IQCJ: variants seen among roughly 807,000 people sequenced by gnomAD.
IQCJ encodes the protein IQ motif containing J.
Under a neutral mutation model 11.0 loss-of-function variants are expected in IQCJ, and 9 were observed. That is an observed-to-expected ratio of 0.82 (90% confidence interval 0.49 to 1.43). The LOEUF (loss-of-function observed/expected upper bound fraction) is 1.43, where lower values mean the gene tolerates loss of function less well. Ranked by LOEUF, IQCJ falls within the 40% of genes most tolerant of loss-of-function variation. The probability of loss-of-function intolerance (pLI) is 0.00; values close to 1 mark genes in which losing one functional copy is unlikely to be tolerated. For missense variants in IQCJ, 146 were observed against 133.2 expected, an observed-to-expected ratio of 1.10 and a Z score of -0.47; for synonymous variants, 55 against 51.3, an observed-to-expected ratio of 1.07 and a Z score of -0.31.
intron 1 of IQCJ, among the ~76,000 whole-genome samples, chr3:159,194,581 T>A (rs559035905): frequency 6.6e-6 from 1 of 152,368 alleles, no homozygotes; most frequent in African/African-American, 2.4e-5. Flanking sequence ...TCTTATCATT[T>A]TAGATGCTCA....
chr3:159,104,638 G>A (rs1051729833), intron 1 of IQCJ, among the ~76,000 whole-genome samples: 10 of 152,036 alleles, frequency 6.6e-5, no homozygotes, highest in Admixed American at 1.3e-4. Context: ...CTCCTCGCCC[G>A]CCATTTTTCC....
intron 1 of IQCJ, among the ~76,000 whole-genome samples, chr3:159,146,031 A>G (rs1720908239): frequency 6.6e-6 from 1 of 152,230 alleles, no homozygotes; most frequent in African/African-American, 2.4e-5. Context: ...GGATTTTGAT[A>G]GGTACATTGA....
chr3:159,121,236 C>T (rs1178580211), intron 1 of IQCJ, among the ~76,000 whole-genome samples: 6 of 151,346 alleles, frequency 4.0e-5, no homozygotes, highest in South Asian at 4.2e-4. Flanking sequence ...TGGGCTCAAG[C>T]GATCTTCTCA....
At chr3:159,108,027 A>AG (rs1380670537) in intron 1 of IQCJ, among the ~76,000 whole-genome samples, 50 of 148,784 alleles carry the variant, frequency 3.4e-4, no homozygotes, top group African/African-American at 8.2e-4. Context: ...AAAAAAAAAG[A>AG]AAAAAAATTC....
intron 1 of IQCJ, among the ~76,000 whole-genome samples, chr3:159,229,889 C>T (rs1726142573): frequency 8.8e-6 from 1 of 113,348 alleles, no homozygotes; most frequent in South Asian, 3.5e-4. Context: ...AATTACTTGC[C>T]ACCTCAACCA....
chr3:159,088,332 C>T (rs866942724), intron 1 of IQCJ, among the ~76,000 whole-genome samples: 2 of 152,046 alleles, frequency 1.3e-5, no homozygotes, highest in East Asian at 1.9e-4. Flanking sequence ...GAGAGCTTTA[C>T]TTCCAAGTAT....
At chr3:159,117,121 C>A (rs1159078972) in intron 1 of IQCJ, among the ~76,000 whole-genome samples, 2 of 152,118 alleles carry the variant, frequency 1.3e-5, no homozygotes, top group Non-Finnish European at 2.9e-5. Flanking sequence ...CTTGCTTTCC[C>A]CTAATTCCTT....
At chr3:159,255,601 C>T (rs750793387) in intron 3 of IQCJ, among the ~76,000 whole-genome samples, 1 of 152,004 alleles carries the variant, frequency 6.6e-6, no homozygotes, top group Non-Finnish European at 1.5e-5. Context: ...AAGTGTGGCT[C>T]AGTGAAAAAA....
intron 1 of IQCJ, among the ~76,000 whole-genome samples, chr3:159,130,347 T>TGTTGTAGGTAGAGCTTTGACTTTCAA (rs1386948088): frequency 1.3e-5 from 2 of 152,084 alleles, no homozygotes; most frequent in Non-Finnish European, 2.9e-5. Context: ...AATTGAGAGA[T>TGTTGTAGGTAGAGCTTTGACTTTCAA]GTTGTAGGTA....
chr3:159,110,394 C>T (rs1718552000), intron 1 of IQCJ, among the ~76,000 whole-genome samples: 1 of 152,104 alleles, frequency 6.6e-6, no homozygotes, highest in African/African-American at 2.4e-5. Flanking sequence ...TACTTTGTAC[C>T]TTTGCATCTG....
chr3:159,198,939 T>A (rs959739977), intron 1 of IQCJ, among the ~76,000 whole-genome samples: 1 of 152,190 alleles, frequency 6.6e-6, no homozygotes, highest in Non-Finnish European at 1.5e-5. Context: ...GGTATCTGCC[T>A]CCATTTACCT....
At chr3:159,207,623 A>C (rs2108082512) in intron 1 of IQCJ, among the ~76,000 whole-genome samples, 1 of 152,360 alleles carries the variant, frequency 6.6e-6, no homozygotes, top group Non-Finnish European at 1.5e-5. Flanking sequence ...ATGGAGTCAT[A>C]TTCTCGTAGA....
intron 1 of IQCJ, among the ~76,000 whole-genome samples, chr3:159,231,364 A>G (rs1019733881): frequency 1.3e-5 from 2 of 152,146 alleles, no homozygotes; most frequent in Admixed American, 1.3e-4. Flanking sequence ...TCTGGTTTTT[A>G]GTTTCTTGTT....
At chr3:159,119,660 A>G (rs1719236529) in intron 1 of IQCJ, among the ~76,000 whole-genome samples, 1 of 152,212 alleles carries the variant, frequency 6.6e-6, no homozygotes, top group Non-Finnish European at 1.5e-5. Context: ...GATCTTCAGA[A>G]TGTTGTCAAC....
At chr3:159,164,704 G>T (rs1467351789) in intron 1 of IQCJ, among the ~76,000 whole-genome samples, 1 of 152,154 alleles carries the variant, frequency 6.6e-6, no homozygotes, top group Non-Finnish European at 1.5e-5. Context: ...GGAGGCAGAG[G>T]CTGTGGTGAG....
chr3:159,092,331 A>G (rs1717371345), intron 1 of IQCJ, among the ~76,000 whole-genome samples: 3 of 152,028 alleles, frequency 2.0e-5, no homozygotes, highest in Non-Finnish European at 2.9e-5. Flanking sequence ...CCAAACAGAA[A>G]CATAGCATCC....
chr3:159,141,076 A>G (rs1224667673), intron 1 of IQCJ, among the ~76,000 whole-genome samples: 3 of 152,226 alleles, frequency 2.0e-5, no homozygotes, highest in Non-Finnish European at 4.4e-5. Context: ...AGCAAGACAC[A>G]TAAGAGAACA....
intron 3 of IQCJ, among the ~76,000 whole-genome samples, chr3:159,259,168 C>T (rs1450904225): frequency 6.6e-6 from 1 of 152,052 alleles, no homozygotes. Flanking sequence ...CAGAGCCAAC[C>T]GCACTGCAAA....
intron 1 of IQCJ, among the ~76,000 whole-genome samples, chr3:159,225,522 A>G (rs1256234948): frequency 1.3e-5 from 2 of 152,322 alleles, no homozygotes; most frequent in East Asian, 1.9e-4. Context: ...AACACACACA[A>G]ATGAGTGAAT....
Sources: gnomAD v4.1 joint callset for allele counts (sites outside exome capture counted in the v4.1 genomes callset) on GRCh38, gnomAD v4.1.1 for gene constraint, MANE v1.5 for transcripts, NCBI Gene and HGNC (gene_info 2026-07-23, HGNC 2026-07-21) for gene names.